RER1: variants seen among roughly 807,000 people sequenced by gnomAD.
RER1 encodes retention in endoplasmic reticulum sorting receptor 1.
In RER1, 6 loss-of-function variants were observed where a neutral mutation model predicts 28.3. That is an observed-to-expected ratio of 0.21 (90% CI 0.12 to 0.42). The LOEUF (loss-of-function observed/expected upper bound fraction) is 0.42. RER1 is among the 10% of genes least tolerant of loss of function. The pLI is 1.00. For synonymous variants in RER1, 110 were observed against 95.9 expected (o/e 1.15, Z -0.86); for missense variants, 159 against 252.9 (o/e 0.63, Z 2.52).
Position 2,405,324 on chromosome 1 carries a change from CAG to C in RER1, c.*2201_*2202del, listed in dbSNP as rs1642962846. On this transcript the variant is annotated 3_prime_UTR_variant, in exon 7 of 7. Transcript: ENST00000605895. The stretch of plus-strand genomic sequence containing the variant: ...CACTGCACTGGCTGAAGCAACCCGC[CAG>C]CCTCCGTGCCCCACCCCACCCAGCA... The C allele has an allele frequency of 3.0e-6, 1 of 330,790 alleles. No individual in the cohort carries two copies. The highest frequency in any genetic ancestry group is 5.9e-6 in the Non-Finnish European group (1 of 170,348). 20.5% of individuals were successfully genotyped at this position (330,790 alleles called of 1,614,324 possible).
chr1:2,395,422 TGGAG>T (rs1056389074), intron 1 of RER1: 1 of 305,820 alleles, frequency 3.3e-6, no homozygotes, highest in African/African-American at 2.2e-5. Context: ...GTGCGGTCCT[TGGAG>T]GGAGGACATG....
At chr1:2,399,388 C>T in intron 3 of RER1, 27 bp from the exon 4 acceptor site, 1 of 1,472,996 alleles carries the variant, frequency 6.8e-7, no homozygotes, top group East Asian at 2.3e-5. Flanking sequence ...CAGAGTGCAC[C>T]ACTGACTCTC....
intron 2 of RER1, 187 bp downstream of exon 2, chr1:2,396,058 C>T (rs1216832074): frequency 3.3e-6 from 2 of 605,546 alleles, no homozygotes; most frequent in African/African-American, 1.9e-5. Context: ...GGCTCTGGGG[C>T]CACACGTGGT....
Position 2,403,249 on chromosome 1 carries a change from T to G in RER1, c.*125T>G. On this transcript the variant is annotated 3_prime_UTR_variant, in exon 7 of 7. Transcript: ENST00000605895. Reference sequence around the variant, plus strand: ...CAAATTTTCTTTTTAAAAAGGAGCTTCAATGATTTGTAACTGAAATATCAG... The same window carrying G: ...CAAATTTTCTTTTTAAAAAGGAGCTGCAATGATTTGTAACTGAAATATCAG... 2.9e-6 allele frequency: 2 copies of G among 684,310 alleles called. No individual in the cohort carries two copies. Among genetic ancestry groups the G allele is most frequent in the Non-Finnish European group, 5.2e-6 (2 of 386,058 alleles). The allele number at this position is 684,310 out of a possible 1,614,324, so 42.4% of individuals were successfully genotyped here.
intron 4 of RER1, among the ~76,000 whole-genome samples, chr1:2,400,514 C>G (rs780622546): frequency 1.3e-5 from 2 of 152,210 alleles, no homozygotes; most frequent in Non-Finnish European, 2.9e-5. Flanking sequence ...CTCGGCCCCG[C>G]CCTGTTCTCT....
intron 1 of RER1, among the ~76,000 whole-genome samples, chr1:2,393,388 T>A (rs1438644775): frequency 2.0e-5 from 3 of 151,814 alleles, no homozygotes; most frequent in Non-Finnish European, 4.4e-5. Flanking sequence ...AAAATAAAAA[T>A]AGGGTGATGT....
chr1:2,401,361 TCCTCCCTCCTTCCTCCCTCCTCCTCCC>T (rs1642855747), intron 5 of RER1, among the ~76,000 whole-genome samples: 1 of 3,292 alleles, frequency 3.0e-4, no homozygotes, highest in Non-Finnish European at 7.4e-4. Flanking sequence ...TCCTCCCTCC[TCCTCCCTCCTTCCTCCCTCCTCCTCCC>T]TCCTCCTCCC....
In RER1 at chr1:2,391,907, C is replaced by G; in HGVS notation, c.-59C>G. 4.7e-6 allele frequency: 1 copy of G among 214,852 alleles called. No individual in the cohort carries two copies. 13.3% of individuals were successfully genotyped at this position (214,852 alleles called of 1,614,324 possible). A position where few individuals can be genotyped will look rare whatever the true frequency, so the allele number is the denominator to read the frequency against. ...GCGGCCGCCCGTGCCCCGCCGTCCT[C>G]CTTCCCGCGGCCGTGAGGGAGACCG... On this transcript the variant is annotated 5_prime_UTR_variant, in exon 1 of 7. Transcript: ENST00000605895.
intron 2 of RER1, among the ~76,000 whole-genome samples, chr1:2,396,547 T>A (rs1356366275): frequency 1.3e-5 from 2 of 152,226 alleles, no homozygotes; most frequent in African/African-American, 2.4e-5. Context: ...AAAATTAAAT[T>A]TCTAAATTAA....
chr1:2,402,570 A>G (rs1642882880), intron 6 of RER1, among the ~76,000 whole-genome samples: 1 of 152,008 alleles, frequency 6.6e-6, no homozygotes, highest in Admixed American at 6.5e-5. Flanking sequence ...CTTGGTGGAA[A>G]CTTTGTGGAA....
intron 1 of RER1, chr1:2,393,973 A>G (rs907921652): frequency 1.3e-5 from 2 of 152,166 alleles, no homozygotes; most frequent in Non-Finnish European, 2.9e-5. Flanking sequence ...TCTCCCTGAC[A>G]TTACTCTCAT....
rs749839707 is a variant in RER1 at position 2,402,293 on chromosome 1, T to G, written c.452T>G (p.Val151Gly). The change falls in exon 6 of 7, where the codon GTG becomes GGG. Residue 151 changes from valine to glycine, a missense_variant. Coordinates refer to ENST00000605895, the MANE Select transcript of RER1 (RefSeq NM_007033.5). ...GTCCCGGTGTTCTGGCCGATTCTGG[T>G]GATGTACTTCATCATGCTCTTCTGT... Reference protein sequence around the residue: ...FNVPVFWPILVMYFIMLFCIT... With the variant: ...FNVPVFWPILGMYFIMLFCIT... The G allele has an allele frequency of 2.5e-6, 4 of 1,614,228 alleles. No homozygotes were observed. The Admixed American group carries it at 6.7e-5, about 27-fold the overall frequency.
At chr1:2,394,490 G>T (rs898009663) in intron 1 of RER1, 1 of 152,262 alleles carries the variant, frequency 6.6e-6, no homozygotes, top group Non-Finnish European at 1.5e-5. Flanking sequence ...GAAGGTGCAG[G>T]TTCTGGCTCC....
rs78920676 is a variant in RER1 at position 2,395,173 on chromosome 1, G to A, written c.-7-611G>A. 245 of 153,102 alleles carry A rather than the reference G, an allele frequency of 1.6e-3. 1 individual carries two copies. The highest frequency in any genetic ancestry group is 2.8e-3 in the Non-Finnish European group (190 of 68,572). The allele number at this position is 153,102 out of a possible 1,614,324, so 9.5% of individuals were successfully genotyped here. A position where few individuals can be genotyped will look rare whatever the true frequency, so the allele number is the denominator to read the frequency against. ...CTGGGTTCTCAGGTGAATTCCTCAT[G>A]GCATCACAGCAGTGTTGAAATAGGA... On this transcript the variant is annotated intron_variant, in intron 1 of 6. Transcript: ENST00000605895.
chr1:2,399,896 T>G (rs1642821109), intron 4 of RER1, among the ~76,000 whole-genome samples: 1 of 152,224 alleles, frequency 6.6e-6, no homozygotes, highest in African/African-American at 2.4e-5. Flanking sequence ...CCTTTTCCCG[T>G]AGCCAGAGGG....
At position 2,399,944 on chromosome 1, in the gene RER1, G is replaced by A. The variant is rs146159290; in HGVS notation, c.286+430G>A. Among the ~76,000 whole-genome samples the A allele has an allele frequency of 8.0e-3, 1,224 of 152,298 alleles. 16 individuals carry two copies. The highest frequency in any genetic ancestry group is 0.028 in the African/African-American group (1,160 of 41,562). ...CTCACTGTGGTGCACAGAGACCGCC[G>A]GGACTCTAATGCCAGCATCGGGTCG... On this transcript the variant is annotated intron_variant, in intron 4 of 6. Coordinates refer to ENST00000605895, the MANE Select transcript of RER1 (RefSeq NM_007033.5).
intron 5 of RER1, 76 bp downstream of exon 5, chr1:2,401,011 T>C: frequency 7.7e-7 from 1 of 1,293,974 alleles, no homozygotes; most frequent in South Asian, 1.2e-5. Flanking sequence ...CTGATTTTTG[T>C]TCAAGTCACC....
chr1:2,400,328 G>A (rs1222046393), intron 4 of RER1, among the ~76,000 whole-genome samples: 3 of 152,234 alleles, frequency 2.0e-5, no homozygotes, highest in Non-Finnish European at 4.4e-5. Flanking sequence ...CCTCTCTGTT[G>A]TTGCTGTTTG....
Position 2,402,809 on chromosome 1 carries a change from A to C in RER1, c.502-226A>C, listed in dbSNP as rs114966018. ...CTCACATCCCCCTTGCCCTTCCTCC[A>C]CGGGAGGCTCACGAAGCACTGGGAT... is the stretch of plus-strand genomic sequence containing the variant. On this transcript the variant is annotated intron_variant, in intron 6 of 6. Transcript: ENST00000605895. 3.8e-3 allele frequency among the ~76,000 whole-genome samples: 581 copies of C among 152,218 alleles called. 3 individuals carry two copies. The highest frequency in any genetic ancestry group is 0.013 in the African/African-American group (545 of 41,520).
Sources: allele counts gnomAD v4.1 joint callset (sites outside exome capture counted in the v4.1 genomes callset), GRCh38; gene constraint gnomAD v4.1.1; transcripts MANE v1.5; gene names NCBI Gene and HGNC (gene_info 2026-07-23, HGNC 2026-07-21).